Variants in TRIM39 observed in about 807,000 individuals in gnomAD.
The protein encoded by TRIM39 is E3 ubiquitin-protein ligase TRIM39.
Under a neutral mutation model 53.6 loss-of-function variants are expected in TRIM39, and 5 were observed. The ratio of observed to expected loss-of-function variants is 0.09; its 90% CI spans 0.05 to 0.20. The LOEUF (loss-of-function observed/expected upper bound fraction) is 0.20, where lower values mean the gene tolerates loss of function less well. TRIM39 is among the 10% of genes least tolerant of loss of function. The probability of loss-of-function intolerance (pLI) is 1.00; values close to 1 mark genes in which losing one functional copy is unlikely to be tolerated. For missense variants in TRIM39, 310 were observed against 621.0 expected, an observed-to-expected ratio of 0.50 and a Z score of 5.32; for synonymous variants, 196 against 237.6, an observed-to-expected ratio of 0.82 and a Z score of 1.61.
chr6:30,335,299 TTCTG>T lies in TRIM39; in HGVS notation c.550-442_550-439del, dbSNP rs1285740202. ...CTCTCATTTTCTTTCTTTCTTTTCT[TTCTG>T]TCTTTGTCTTTCTGTCTTTCTTTCC... On this transcript the variant is annotated intron_variant, in intron 4 of 7. Coordinates refer to ENST00000396551, the Ensembl canonical transcript of TRIM39. The surrounding 1 kb of genome is among the most constrained non-coding windows in gnomAD (Gnocchi z 4.7). 3.9e-5 allele frequency among the ~76,000 whole-genome samples: 6 copies of T among 152,118 alleles called. No homozygotes were observed. The highest frequency in any genetic ancestry group is 7.2e-5 in the African/African-American group (3 of 41,418).
At chr6:30,343,288 G>C (rs1562429325) in exon 8 of TRIM39, 9 of 152,650 alleles carry the variant, frequency 5.9e-5, no homozygotes. Context: ...GGGTGGAAGA[G>C]GGTGGTATAT....
At chr6:30,327,753 C>CA (rs1403656013) in intron 1 of TRIM39, 1 of 152,230 alleles carries the variant, frequency 6.6e-6, no homozygotes, top group Non-Finnish European at 1.5e-5. Flanking sequence ...CACCACAAGT[C>CA]AAAGTTGGAT....
chr6:30,330,528 T>A (rs1301365433), intron 3 of TRIM39, among the ~76,000 whole-genome samples: 1 of 152,056 alleles, frequency 6.6e-6, no homozygotes, highest in Non-Finnish European at 1.5e-5. Flanking sequence ...ACAGAGTTGA[T>A]GACAGCTATC....
chr6:30,326,562 C>T lies in TRIM39; in HGVS notation c.-594C>T, dbSNP rs145866017. 5.7e-3 allele frequency: 875 copies of T among 152,788 alleles called. 2 individuals carry two copies. Among genetic ancestry groups the T allele is most frequent in the Middle Eastern group, 0.03 (9 of 300 alleles). The allele number at this position is 152,788 out of a possible 1,614,324, so 9.5% of individuals were successfully genotyped here. A position where few individuals can be genotyped will look rare whatever the true frequency, so the allele number is the denominator to read the frequency against. ...TTTCAGCTGCACCGGGAGGCGGCGG[C>T]GCCTGGCCAGAGCCGGGGCCTGGAG... On this transcript the variant is annotated 5_prime_UTR_variant, in exon 1 of 8. Transcript: ENST00000396551.
Position 30,339,810 on chromosome 6 carries a change from T to C in TRIM39, c.781-98T>C. 6.5e-7 allele frequency: 1 copy of C among 1,530,074 alleles called. No individual in the cohort carries two copies. Among genetic ancestry groups the C allele is most frequent in the Non-Finnish European group, 9.0e-7 (1 of 1,111,832 alleles). 94.8% of individuals were successfully genotyped at this position (1,530,074 alleles called of 1,614,324 possible). On this transcript the variant is annotated intron_variant, in intron 5 of 7. Coordinates refer to ENST00000396551, the Ensembl canonical transcript of TRIM39. This position sits in a 1 kb window ranked among gnomAD's most constrained non-coding sequence, Gnocchi z 4.2. ...GACCCTCAGTTTATCCTATCCCTAT[T>C]TTATAGCTGTGGAACTTTGGGGAGG...
In TRIM39 at chr6:30,326,918, G is replaced by C. The variant is rs1183456179; in HGVS notation, c.-238G>C. The C allele has an allele frequency of 6.6e-6, 1 of 152,330 alleles. No homozygotes were observed. The highest frequency in any genetic ancestry group is 2.4e-5 in the African/African-American group (1 of 41,434). 9.4% of individuals were successfully genotyped at this position (152,330 alleles called of 1,614,324 possible). On this transcript the variant is annotated 5_prime_UTR_variant, in exon 1 of 8. Transcript: ENST00000396551. ...TATTGTGTGTCGCGCCGCGGGGCGGGGGCGAGGGGAGGAGGAAGGAGGGAG... is the reference window on the plus strand; with the variant it reads ...TATTGTGTGTCGCGCCGCGGGGCGGCGGCGAGGGGAGGAGGAAGGAGGGAG...
At chr6:30,329,985 A>G (rs1785923136) in intron 3 of TRIM39, among the ~76,000 whole-genome samples, 1 of 152,238 alleles carries the variant, frequency 6.6e-6, no homozygotes, top group African/African-American at 2.4e-5. Context: ...GACTTTTGCA[A>G]TACATGTGAG....
chr6:30,326,950 C>G (rs993936387), exon 1 of TRIM39: 1 of 152,214 alleles, frequency 6.6e-6, no homozygotes, highest in Non-Finnish European at 1.5e-5. Flanking sequence ...GGAGGCAGCG[C>G]TCCGGCGGCT....
At chr6:30,341,140 G>A (rs1017878550) in intron 7 of TRIM39, among the ~76,000 whole-genome samples, 1 of 151,792 alleles carries the variant, frequency 6.6e-6, no homozygotes. Context: ...CCTGGGAAGC[G>A]GAGGTTGCAG....
rs1429862786 is a variant in TRIM39, at chr6:30,342,617, C to G, written c.*358C>G. 2.8e-6 allele frequency: 1 copy of G among 357,594 alleles called. No individual in the cohort carries two copies. The highest frequency in any genetic ancestry group is 2.1e-5 in the African/African-American group (1 of 48,622). 22.2% of individuals were successfully genotyped at this position (357,594 alleles called of 1,614,324 possible). A position where few individuals can be genotyped will look rare whatever the true frequency, so the allele number is the denominator to read the frequency against. ...GACTTGCTCAAACCAGAGGAGGAAA[C>G]AGAAACCCCTGCACATCTTTTTAGG... On this transcript the variant is annotated 3_prime_UTR_variant, in exon 8 of 8. Coordinates refer to ENST00000396551, the Ensembl canonical transcript of TRIM39. This position sits in a 1 kb window ranked among gnomAD's most constrained non-coding sequence, Gnocchi z 4.7.
In TRIM39 at chr6:30,335,155, A is replaced by G. The variant is rs1786696810; in HGVS notation, c.550-590A>G. Among the ~76,000 whole-genome samples, 1 of 152,204 alleles carries G rather than the reference A, an allele frequency of 6.6e-6. No homozygotes were observed. Among genetic ancestry groups the G allele is most frequent in the African/African-American group, 2.4e-5 (1 of 41,444 alleles). ...CTTTATCTTAAATTAAAACAAATAT[A>G]TATATCCGCAGTGGTCTTCACTACC... On this transcript the variant is annotated intron_variant, in intron 4 of 7. Transcript: ENST00000396551. This position sits in a 1 kb window ranked among gnomAD's most constrained non-coding sequence, Gnocchi z 4.7.
intron 7 of TRIM39, chr6:30,341,334 A>G (rs909912916): frequency 1.8e-6 from 1 of 543,948 alleles, no homozygotes; most frequent in African/African-American, 1.9e-5. Flanking sequence ...CCTAGACCAT[A>G]TGCTGTCTTG....
intron 1 of TRIM39, 125 bp downstream of exon 1, chr6:30,327,120 G>T (rs1221557685): frequency 1.3e-5 from 2 of 152,350 alleles, no homozygotes; most frequent in Non-Finnish European, 2.9e-5. Context: ...AGCTGCCTCC[G>T]CCCGCCTCGG....
In TRIM39 at chr6:30,335,307, TTGTCTTTC is replaced by T. The variant is rs1381657097; in HGVS notation, c.550-428_550-421del. Reference sequence around the variant, plus strand: ...TTCTTTCTTTCTTTTCTTTCTGTCTTTGTCTTTCTGTCTTTCTTTCCTGTCTGTCTGTC... The same window carrying T: ...TTCTTTCTTTCTTTTCTTTCTGTCTTTGTCTTTCTTTCCTGTCTGTCTGTC... On this transcript the variant is annotated intron_variant, in intron 4 of 7. Coordinates refer to ENST00000396551, the Ensembl canonical transcript of TRIM39. The surrounding 1 kb of genome is among the most constrained non-coding windows in gnomAD (Gnocchi z 4.7). Among the ~76,000 whole-genome samples, 1 of 152,124 alleles carries T rather than the reference TTGTCTTTC, an allele frequency of 6.6e-6. No homozygotes were observed. The highest frequency in any genetic ancestry group is 1.5e-5 in the Non-Finnish European group (1 of 68,008).
At chr6:30,340,742 C>A (rs1787420263) in intron 7 of TRIM39, 122 bp downstream of exon 7, 2 of 1,027,532 alleles carry the variant, frequency 1.9e-6, no homozygotes, top group Non-Finnish European at 2.8e-6. Context: ...ACACACCTAC[C>A]CCTTTATCTG....
rs1237991648 is a variant in TRIM39 at position 30,338,457 on chromosome 6, A to G, written c.781-1451A>G. ...GGGAGGCCAGAGGAGATGGAGAAAG[A>G]TGAGGGAATAGCTGGTAGTGGATCA... On this transcript the variant is annotated intron_variant, in intron 5 of 7. Coordinates refer to ENST00000396551, the Ensembl canonical transcript of TRIM39. The surrounding 1 kb of genome is among the most constrained non-coding windows in gnomAD (Gnocchi z 4.0). Among the ~76,000 whole-genome samples, 2 of 151,938 alleles carry G rather than the reference A, an allele frequency of 1.3e-5. No homozygotes were observed. Among genetic ancestry groups the G allele is most frequent in the Non-Finnish European group, 2.9e-5 (2 of 68,016 alleles).
chr6:30,338,127 A>G lies in TRIM39; in HGVS notation c.781-1781A>G, dbSNP rs1488333876. Reference sequence around the variant, plus strand: ...CATGTGATCTTATATCCAGATCACTAAAATTTTCTCCATCTCAGCAATAAA... The same window carrying G: ...CATGTGATCTTATATCCAGATCACTGAAATTTTCTCCATCTCAGCAATAAA... On this transcript the variant is annotated intron_variant, in intron 5 of 7. Transcript: ENST00000396551. This position sits in a 1 kb window ranked among gnomAD's most constrained non-coding sequence, Gnocchi z 4.0. Among the ~76,000 whole-genome samples, 1 of 152,214 alleles carries G rather than the reference A, an allele frequency of 6.6e-6. No homozygotes were observed. The highest frequency in any genetic ancestry group is 2.4e-5 in the African/African-American group (1 of 41,450).
At position 30,339,417 on chromosome 6, in the gene TRIM39, C is replaced by T. The variant is rs1476122552; in HGVS notation, c.781-491C>T. Among the ~76,000 whole-genome samples the T allele has an allele frequency of 6.6e-6, 1 of 152,074 alleles. No individual in the cohort carries two copies. The highest frequency in any genetic ancestry group is 6.6e-5 in the Admixed American group (1 of 15,258). Reference sequence around the variant, plus strand: ...ACCCGTCTTGGCCTCCCAAAGCGCTCAGATTACAGGCGTGAGCTACTGTGC... The same window carrying T: ...ACCCGTCTTGGCCTCCCAAAGCGCTTAGATTACAGGCGTGAGCTACTGTGC... On this transcript the variant is annotated intron_variant, in intron 5 of 7. Coordinates refer to ENST00000396551, the Ensembl canonical transcript of TRIM39. The surrounding 1 kb of genome is among the most constrained non-coding windows in gnomAD (Gnocchi z 4.2).
chr6:30,341,438 G>A (rs1183292788), intron 7 of TRIM39: 1 of 697,724 alleles, frequency 1.4e-6, no homozygotes, highest in South Asian at 1.5e-5. Flanking sequence ...AATGTCAGAG[G>A]GAGATGAAGA....
Sources: gnomAD v4.1 joint callset for allele counts (sites outside exome capture counted in the v4.1 genomes callset) on GRCh38, gnomAD v4.1.1 for gene constraint, Gnocchi (gnomAD v3.1) non-coding constraint, MANE v1.5 for transcripts, NCBI Gene and HGNC (gene_info 2026-07-23, HGNC 2026-07-21) for gene names.